SSBP3: variants seen among roughly 807,000 people sequenced by gnomAD.
SSBP3 encodes single-stranded DNA-binding protein 3.
Under a neutral mutation model 69.6 loss-of-function variants are expected in SSBP3, and 5 were observed. The ratio of observed to expected loss-of-function variants is 0.07; its 90% CI spans 0.04 to 0.15. SSBP3 has a LOEUF of 0.15. Among genes scored for constraint, SSBP3 ranks in the 10% least tolerant of loss-of-function variants. SSBP3 has a pLI of 1.00. For missense variants in SSBP3, 312 were observed against 534.0 expected, an observed-to-expected ratio of 0.58 and a Z score of 4.10; for synonymous variants, 196 against 193.4, an observed-to-expected ratio of 1.01 and a Z score of -0.11.
intron 4 of SSBP3, among the ~76,000 whole-genome samples, chr1:54,283,133 G>A (rs1203186817): frequency 1.3e-5 from 2 of 152,134 alleles, no homozygotes; most frequent in Non-Finnish European, 2.9e-5. Context: ...TGGATGTGGT[G>A]GTGGGCGCCT....
chr1:54,289,508 T>TCTGCCC (rs1645566346), intron 4 of SSBP3, among the ~76,000 whole-genome samples: 1 of 151,650 alleles, frequency 6.6e-6, no homozygotes, highest in South Asian at 2.1e-4. Flanking sequence ...AGATGACAGG[T>TCTGCCC]TGCAGGTCTG....
intron 4 of SSBP3, among the ~76,000 whole-genome samples, chr1:54,290,973 A>G (rs1270922742): frequency 1.3e-5 from 2 of 152,224 alleles, no homozygotes; most frequent in African/African-American, 4.8e-5. Context: ...TAAAGGAGCT[A>G]CTTACAACCA....
At chr1:54,256,074 TAAA>T (rs578238303) in intron 7 of SSBP3, among the ~76,000 whole-genome samples, 4 of 141,984 alleles carry the variant, frequency 2.8e-5, no homozygotes, top group Admixed American at 2.8e-4. Flanking sequence ...AGACTCCGGT[TAAA>T]AAAAAAAAAA....
intron 4 of SSBP3, among the ~76,000 whole-genome samples, chr1:54,399,215 G>T (rs971629450): frequency 1.3e-5 from 2 of 152,246 alleles, no homozygotes; most frequent in Admixed American, 6.5e-5. Flanking sequence ...GCTGTCGCCC[G>T]AAAGACAACC....
chr1:54,325,151 C>G (rs1193381139), intron 4 of SSBP3, among the ~76,000 whole-genome samples: 2 of 152,192 alleles, frequency 1.3e-5, no homozygotes, highest in Non-Finnish European at 2.9e-5. Flanking sequence ...AAAAATGGAG[C>G]AGCCGAGCAT....
chr1:54,292,305 G>A (rs1315042942), intron 4 of SSBP3, among the ~76,000 whole-genome samples: 3 of 152,200 alleles, frequency 2.0e-5, no homozygotes, highest in African/African-American at 7.2e-5. Flanking sequence ...CACAAGAGAG[G>A]ACTATAGCTT....
chr1:54,276,631 A>C (rs1230604408), intron 5 of SSBP3, among the ~76,000 whole-genome samples: 1 of 146,806 alleles, frequency 6.8e-6, no homozygotes, highest in Non-Finnish European at 1.5e-5. Flanking sequence ...AAAAAAAAAA[A>C]AAGGTGTCAG....
chr1:54,258,218 A>T lies in SSBP3; in HGVS notation c.367-69T>A. 1 of 1,304,488 alleles carries T rather than the reference A, an allele frequency of 7.7e-7. No homozygotes were observed. 80.8% of individuals were successfully genotyped at this position (1,304,488 alleles called of 1,614,324 possible). On this transcript the variant is annotated intron_variant, in intron 5 of 17. Coordinates refer to ENST00000610401, the Ensembl canonical transcript of SSBP3. This position sits in a 1 kb window ranked among gnomAD's most constrained non-coding sequence, Gnocchi z 4.5. ...TGGAGAAGCGCAGAAGCAGCTTAAA[A>T]GAACAAAAATTAAACCAAAACGAAG...
chr1:54,405,041 G>A (rs1649615836), intron 1 of SSBP3, 111 bp from the exon 2 acceptor site: 1 of 958,426 alleles, frequency 1.0e-6, no homozygotes, highest in Non-Finnish European at 1.6e-6. Flanking sequence ...GTCCCATTGT[G>A]GCCCCGACCA....
intron 4 of SSBP3, among the ~76,000 whole-genome samples, chr1:54,388,750 C>T (rs1250030272): frequency 2.0e-5 from 3 of 152,214 alleles, no homozygotes; most frequent in South Asian, 4.1e-4. Context: ...AGTGTGTCTA[C>T]CCTCCAAGCT....
At chr1:54,382,467 T>C (rs183603836) in intron 4 of SSBP3, among the ~76,000 whole-genome samples, 142 of 152,294 alleles carry the variant, frequency 9.3e-4, no homozygotes, top group South Asian at 1.4e-3. Flanking sequence ...GTGTCTTTGC[T>C]TCCGTAGCCA....
rs1207636708 is a variant in SSBP3 at position 54,316,666 on chromosome 1, AAATAAATAAAT to A, written c.277-35150_277-35140del. 1.1e-3 allele frequency among the ~76,000 whole-genome samples: 18 copies of A among 15,944 alleles called. 1 individual carries two copies. Among genetic ancestry groups the A allele is most frequent in the South Asian group, 5.1e-3 (2 of 394 alleles). 10.5% of individuals were successfully genotyped at this position (15,944 alleles called of 152,430 possible). Reference sequence around the variant, plus strand: ...CCGTCTCAAAAAAAAAAAATAAAATAAATAAATAAATAAATAAATAAATAAATAAATAAATA... The same window carrying A: ...CCGTCTCAAAAAAAAAAAATAAAATAAAATAAATAAATAAATAAATAAATA... On this transcript the variant is annotated intron_variant, in intron 4 of 17. Coordinates refer to ENST00000610401, the Ensembl canonical transcript of SSBP3.
chr1:54,265,225 A>C (rs1645080706), intron 5 of SSBP3, among the ~76,000 whole-genome samples: 1 of 152,202 alleles, frequency 6.6e-6, no homozygotes, highest in Admixed American at 6.5e-5. Context: ...TTTTACATGC[A>C]GTCTTTGGCG....
At chr1:54,274,128 C>A (rs771541251) in intron 5 of SSBP3, among the ~76,000 whole-genome samples, 2 of 152,192 alleles carry the variant, frequency 1.3e-5, no homozygotes, top group African/African-American at 2.4e-5. Context: ...AGACTCCCCC[C>A]ACCTGCAGGG....
chr1:54,374,799 C>T (rs1452863313), intron 4 of SSBP3, among the ~76,000 whole-genome samples: 1 of 152,206 alleles, frequency 6.6e-6, no homozygotes. Flanking sequence ...GATATCAGGG[C>T]TATCAACGTG....
intron 4 of SSBP3, among the ~76,000 whole-genome samples, chr1:54,336,673 G>A (rs528721674): frequency 2.6e-5 from 4 of 152,298 alleles, no homozygotes; most frequent in South Asian, 2.1e-4. Flanking sequence ...TCTGCTCAGC[G>A]CAAGTCAAGG....
chr1:54,381,288 C>G (rs1480286535), intron 4 of SSBP3, among the ~76,000 whole-genome samples: 2 of 140,322 alleles, frequency 1.4e-5, no homozygotes, highest in Non-Finnish European at 1.5e-5. Context: ...GAGGCTGAGG[C>G]AAGACAATCA....
chr1:54,242,186 G>A lies in SSBP3; in HGVS notation c.743C>T (p.Pro248Leu), dbSNP rs914728959. 4 of 1,613,530 alleles carry A rather than the reference G, an allele frequency of 2.5e-6. No individual in the cohort carries two copies. In the African/African-American group the frequency reaches 5.3e-5, roughly 22 times the overall value. The change falls in exon 11 of 18, where the codon CCC becomes CTC. Residue 248 changes from proline (P) to leucine (L), a missense_variant. Physicochemically the swap from Pro to Leu is moderately conservative, Grantham distance 98. Transcript: ENST00000610401. ...CACTGAGTTAGCACTGTTAGGATTG[G>A]GCCAGGGTCTGCCAGCTCCCGGGCC...
intron 4 of SSBP3, among the ~76,000 whole-genome samples, chr1:54,305,044 C>T (rs1274747277): frequency 1.3e-5 from 2 of 152,180 alleles, no homozygotes; most frequent in East Asian, 3.9e-4. Flanking sequence ...TGAGATTTAC[C>T]ATAACCAGAG....
Sources: gnomAD v4.1 joint callset for allele counts (sites outside exome capture counted in the v4.1 genomes callset) on GRCh38, gnomAD v4.1.1 for gene constraint, Gnocchi (gnomAD v3.1) non-coding constraint, MANE v1.5 for transcripts, NCBI Gene and HGNC (gene_info 2026-07-23, HGNC 2026-07-21) for gene names.